The following MICAL3 variants were observed in gnomAD, a reference collection of about 807,000 sequenced individuals.
The protein encoded by MICAL3 is microtubule associated monooxygenase, calponin and LIM domain containing 3.
Under a neutral mutation model 207.4 loss-of-function variants are expected in MICAL3, and 62 were observed. The ratio of observed to expected loss-of-function variants is 0.30; its 90% CI spans 0.24 to 0.37. The LOEUF is 0.37. Among genes scored for constraint, MICAL3 ranks in the 10% least tolerant of loss-of-function variants. The pLI is 1.00. For missense variants in MICAL3, 2,368 were observed against 2,635.6 expected (o/e 0.90, Z 2.22); for synonymous variants, 1,077 against 1,069.3 (o/e 1.01, Z -0.14).
At chr22:17,819,537 C>T (rs944309256) in intron 25 of MICAL3, among the ~76,000 whole-genome samples, 1 of 152,106 alleles carries the variant, frequency 6.6e-6, no homozygotes, top group African/African-American at 2.4e-5. Flanking sequence ...AGCTATTTAT[C>T]ACGGTGCATT....
chr22:17,978,054 A>G (rs149447081), intron 1 of MICAL3, among the ~76,000 whole-genome samples: 2,181 of 139,408 alleles, frequency 0.016, 23 homozygotes, highest in Non-Finnish European at 0.024. Flanking sequence ...AAATAAAATA[A>G]AATAAAAAAA....
intron 17 of MICAL3, among the ~76,000 whole-genome samples, chr22:17,869,608 G>A (rs1472934659): frequency 6.6e-6 from 1 of 152,204 alleles, no homozygotes; most frequent in East Asian, 1.9e-4. Context: ...GCTGAAGACA[G>A]AACAAATAGC....
rs529669649 is a variant in MICAL3, at chr22:17,800,286, A to G, written c.5650+8558T>C. Among the ~76,000 whole-genome samples, 8 of 152,296 alleles carry G rather than the reference A, an allele frequency of 5.3e-5. No individual in the cohort carries two copies. The South Asian group carries it at 1.7e-3, about 32-fold the overall frequency. ...CTAGAAATTATGTGTGTGTATTTTC[A>G]ATCAGTTTTAGAAGAAATGTGGTTT... On this transcript the variant is annotated intron_variant, in intron 29 of 31. Transcript: ENST00000441493.
At chr22:17,969,579 T>C (rs1935310338) in intron 1 of MICAL3, among the ~76,000 whole-genome samples, 1 of 152,172 alleles carries the variant, frequency 6.6e-6, no homozygotes, top group Non-Finnish European at 1.5e-5. Flanking sequence ...CCTTTTTTGG[T>C]TTATCTTAGA....
intron 1 of MICAL3, among the ~76,000 whole-genome samples, chr22:17,945,023 T>C (rs1238327857): frequency 6.6e-6 from 1 of 151,376 alleles, no homozygotes; most frequent in Non-Finnish European, 1.5e-5. Context: ...TTTTTTTTTT[T>C]TTCAACAGTA....
At chr22:17,858,866 T>C (rs1926211995) in intron 19 of MICAL3, among the ~76,000 whole-genome samples, 2 of 152,196 alleles carry the variant, frequency 1.3e-5, no homozygotes, top group African/African-American at 2.4e-5. Flanking sequence ...TACTGGGGGA[T>C]GGGCAGGCAA....
intron 1 of MICAL3, among the ~76,000 whole-genome samples, chr22:18,010,986 G>A (rs1280495845): frequency 6.6e-6 from 1 of 152,092 alleles, no homozygotes. Context: ...AAAGAAAAGC[G>A]ATTGAGAAGA....
At chr22:17,816,368 C>T (rs372189510) in intron 27 of MICAL3, among the ~76,000 whole-genome samples, 32 of 152,352 alleles carry the variant, frequency 2.1e-4, no homozygotes, top group African/African-American at 7.5e-4. Flanking sequence ...GGCTGCTCCC[C>T]GCGGGATCAC....
At chr22:17,801,902 C>A (rs574864621) in intron 29 of MICAL3, among the ~76,000 whole-genome samples, 164 of 151,414 alleles carry the variant, frequency 1.1e-3, no homozygotes, top group Non-Finnish European at 1.8e-3. Flanking sequence ...TCAAAAAAAA[C>A]AAACAAACAA....
At chr22:17,826,175 C>T (rs1922160231) in intron 22 of MICAL3, among the ~76,000 whole-genome samples, 1 of 150,898 alleles carries the variant, frequency 6.6e-6, no homozygotes, top group Non-Finnish European at 1.5e-5. Context: ...AAAAACGTTC[C>T]TTTGGCTTTG....
chr22:17,868,124 C>T lies in MICAL3; in HGVS notation c.2429-2112G>A, dbSNP rs528623458. Among the ~76,000 whole-genome samples the T allele has an allele frequency of 5.7e-4, 87 of 152,260 alleles. 1 individual carries two copies. Among genetic ancestry groups the T allele is most frequent in the African/African-American group, 1.9e-3 (78 of 41,558 alleles). On this transcript the variant is annotated intron_variant, in intron 17 of 31. Transcript: ENST00000441493. ...CAATGTGAGCGCTAAGTGTGATCTC[C>T]GTTCCAACACTGTCTCAACTGCTCA...
intron 16 of MICAL3, among the ~76,000 whole-genome samples, chr22:17,877,360 TGGAGGTTAGGGAGGTGAG>T (rs1928814744): frequency 2.2e-4 from 2 of 9,290 alleles, no homozygotes; most frequent in Admixed American, 1.2e-3. Flanking sequence ...AGGGAGGTTA[TGGAGGTTAGGGAGGTGAG>T]GGAGGTTATG....
Position 17,832,000 on chromosome 22 carries a change from T to C in MICAL3, c.2909A>G (p.His970Arg). 1.9e-6 allele frequency: 3 copies of C among 1,606,318 alleles called. No individual in the cohort carries two copies. Among genetic ancestry groups the C allele is most frequent in the Non-Finnish European group, 2.5e-6 (3 of 1,176,560 alleles). The change falls in exon 21 of 32, where the codon CAT (histidine) becomes CGT (arginine). Residue 970 changes from histidine to arginine, a missense_variant. This residue lies in a region of MICAL3 where 1,770 missense variants were observed against 1,863.2 expected (regional missense o/e 0.95). Transcript: ENST00000441493. ...TTCACTTTTCCCTTTCAGAAGGGCA[T>C]GGATCCGCACGGCCTCCTTCCACGG... The part of the protein sequence containing the change: ...GVPWKEAVRI[H>R]ALLKGKSEEE...
intron 1 of MICAL3, among the ~76,000 whole-genome samples, chr22:17,995,208 ACT>A (rs963194988): frequency 3.9e-5 from 6 of 151,976 alleles, no homozygotes; most frequent in African/African-American, 1.5e-4. Flanking sequence ...ACAGGGTCTC[ACT>A]CTGTCACCCA....
At chr22:17,976,908 G>T (rs182534337) in intron 1 of MICAL3, among the ~76,000 whole-genome samples, 1 of 150,678 alleles carries the variant, frequency 6.6e-6, no homozygotes, top group South Asian at 2.1e-4. Context: ...CCAGGTTCAC[G>T]CCATTCTCCT....
chr22:17,885,774 A>C (rs948300100), intron 16 of MICAL3, 104 bp downstream of exon 16: 11 of 1,224,414 alleles, frequency 9.0e-6, no homozygotes, highest in East Asian at 7.0e-5. Context: ...CCAGCCCACG[A>C]ACGCTGGGGT....
chr22:17,991,081 T>C (rs1020198993), intron 1 of MICAL3, among the ~76,000 whole-genome samples: 2 of 152,236 alleles, frequency 1.3e-5, no homozygotes, highest in African/African-American at 2.4e-5. Context: ...GGCGTGCAGA[T>C]GAATACTGCA....
intron 16 of MICAL3, chr22:17,872,903 G>GA (rs776324591): frequency 1.4e-5 from 16 of 1,174,502 alleles, no homozygotes; most frequent in African/African-American, 3.0e-5. Context: ...AAATGAGAAG[G>GA]AAAAAAATAC....
intron 1 of MICAL3, among the ~76,000 whole-genome samples, chr22:17,960,704 G>A (rs1934869220): frequency 6.6e-6 from 1 of 152,144 alleles, no homozygotes; most frequent in Non-Finnish European, 1.5e-5. Context: ...TGGGGGGAAG[G>A]AGGCAGATTT....
Sources: allele counts gnomAD v4.1 joint callset (sites outside exome capture counted in the v4.1 genomes callset), GRCh38; gene constraint gnomAD v4.1.1; regional missense constraint gnomAD v4.1.1; transcripts MANE v1.5; gene names NCBI Gene and HGNC (gene_info 2026-07-23, HGNC 2026-07-21).